Variants in PLSCR5 observed in about 807,000 individuals in gnomAD.
The protein encoded by PLSCR5 is phospholipid scramblase family member 5.
A neutral mutation model predicts 33.6 loss-of-function variants in PLSCR5; 44 were observed. That is an observed-to-expected ratio of 1.31 (90% CI 1.03 to 1.69). The LOEUF is 1.69. Ranked by LOEUF, PLSCR5 falls within the 40% of genes most tolerant of loss-of-function variation. The pLI is 0.00. For missense variants in PLSCR5, 375 were observed against 318.7 expected, an observed-to-expected ratio of 1.18 and a Z score of -1.34; for synonymous variants, 148 against 112.3, an observed-to-expected ratio of 1.32 and a Z score of -2.01.
At position 146,586,117 on chromosome 3, in the gene PLSCR5, A is replaced by G; in HGVS notation, c.778-5T>C. The G allele has an allele frequency of 6.8e-7, 1 of 1,477,374 alleles. No individual in the cohort carries two copies. The highest frequency in any genetic ancestry group is 9.0e-7 in the Non-Finnish European group (1 of 1,112,298). 91.5% of individuals were successfully genotyped at this position (1,477,374 alleles called of 1,614,324 possible). A position where few individuals can be genotyped will look rare whatever the true frequency, so the allele number is the denominator to read the frequency against. On this transcript the variant is annotated splice_region_variant and splice_polypyrimidine_tract_variant and intron_variant, in intron 6 of 7. Coordinates refer to ENST00000443512, the MANE Select transcript of PLSCR5 (RefSeq NM_001085420.2). Reference sequence around the variant, plus strand: ...ATGTTCAAAGAACATAAAATCCTACAAATAAGTAAACTGAATATAAGTGAA... The same window carrying G: ...ATGTTCAAAGAACATAAAATCCTACGAATAAGTAAACTGAATATAAGTGAA...
At chr3:146,598,690 T>C (rs2044783953) in intron 2 of PLSCR5, among the ~76,000 whole-genome samples, 1 of 152,190 alleles carries the variant, frequency 6.6e-6, no homozygotes, top group East Asian at 1.9e-4. Flanking sequence ...GTATATCACT[T>C]TTATACTTGG....
chr3:146,578,249 G>A (rs62272759), intron 7 of PLSCR5, among the ~76,000 whole-genome samples: 2 of 151,714 alleles, frequency 1.3e-5, no homozygotes, highest in East Asian at 3.9e-4. Flanking sequence ...TTTCTCAAAG[G>A]TATTTTTTCA....
intron 4 of PLSCR5, among the ~76,000 whole-genome samples, 160 bp from the exon 5 acceptor site, chr3:146,592,041 A>C (rs1191935888): frequency 6.6e-6 from 1 of 152,128 alleles, no homozygotes; most frequent in Non-Finnish European, 1.5e-5. Context: ...AGATTTTATA[A>C]AATATTTTAC....
rs748249765 is a variant in PLSCR5 at position 146,593,992 on chromosome 3, T to A, written c.381A>T (p.Ser127=). ...TGTTCACTGTAATGACCTCTCGACC[T>A]GAGTTATCTGTGATCCTCAGGGTGC... ...RSCTLRITDN[S]GREVITVNRP... Residue 127 remains serine (S), a synonymous_variant, in exon 4 of 8, where the codon TCA becomes TCT. Transcript: ENST00000443512. 1.2e-6 allele frequency: 2 copies of A among 1,613,726 alleles called. No individual in the cohort carries two copies. The highest frequency in any genetic ancestry group is 1.7e-6 in the Non-Finnish European group (2 of 1,179,814).
intron 2 of PLSCR5, among the ~76,000 whole-genome samples, chr3:146,595,852 T>C (rs1433987256): frequency 6.6e-6 from 1 of 152,166 alleles, no homozygotes; most frequent in African/African-American, 2.4e-5. Context: ...TATCACTCTG[T>C]CAAACTGCAA....
At chr3:146,582,994 C>T (rs115314760), downstream of PLSCR5, among the ~76,000 whole-genome samples, 770 of 152,130 alleles carry the variant, frequency 5.1e-3, 3 homozygotes, top group African/African-American at 0.018. Flanking sequence ...TTCCACACCC[C>T]TACGTTTGTA....
intron 6 of PLSCR5, among the ~76,000 whole-genome samples, chr3:146,588,920 T>G (rs1297241454): frequency 1.3e-5 from 2 of 152,066 alleles, no homozygotes; most frequent in East Asian, 1.9e-4. Context: ...TTTCATGTAT[T>G]TATAGAAAAT....
intron 2 of PLSCR5, 48 bp downstream of exon 2, chr3:146,600,240 T>G: frequency 8.0e-7 from 1 of 1,247,860 alleles, no homozygotes; most frequent in Non-Finnish European, 1.0e-6. Context: ...AAGTTTGTAT[T>G]AATTTTAAGG....
rs551827363 is a variant in PLSCR5, at chr3:146,599,646, T to A, written c.189+642A>T. On this transcript the variant is annotated intron_variant, in intron 2 of 7. Coordinates refer to ENST00000443512, the MANE Select transcript of PLSCR5 (RefSeq NM_001085420.2). ...TATTCTTTAAATAAATAGCTGTAGA[T>A]GACTAGATATGTTAGAAAATTTCTT... Among the ~76,000 whole-genome samples the A allele has an allele frequency of 7.9e-5, 12 of 151,180 alleles. No individual in the cohort carries two copies. In the South Asian group the frequency reaches 2.5e-3, roughly 32 times the overall value.
chr3:146,592,025 G>A, intron 4 of PLSCR5, 144 bp from the exon 5 acceptor site: 3 of 769,542 alleles, frequency 3.9e-6, no homozygotes, highest in East Asian at 2.9e-5. Flanking sequence ...CTGCTTCTAA[G>A]GATACAGATT....
At chr3:146,602,589 C>T (rs1387694080) in intron 1 of PLSCR5, among the ~76,000 whole-genome samples, 12 of 151,830 alleles carry the variant, frequency 7.9e-5, no homozygotes, top group Admixed American at 7.9e-4. Context: ...GTTTTGTGCT[C>T]TATGTACTTC....
At chr3:146,595,778 C>T (rs1415024962) in intron 2 of PLSCR5, among the ~76,000 whole-genome samples, 1 of 152,130 alleles carries the variant, frequency 6.6e-6, no homozygotes, top group African/African-American at 2.4e-5. Context: ...TTTTAGAAGA[C>T]ATGAAACAAC....
intron 2 of PLSCR5, 62 bp downstream of exon 2, chr3:146,600,226 A>G: frequency 8.3e-7 from 1 of 1,207,154 alleles, no homozygotes; most frequent in East Asian, 3.1e-5. Context: ...AAAAGCCAGA[A>G]AGAAAGTTTG....
In PLSCR5 at chr3:146,589,694, C is replaced by T. The variant is rs375255541; in HGVS notation, c.736G>A (p.Val246Ile). Reference protein sequence around the residue: ...FGIHVPADLDVTVKAAMIGAC... With the variant: ...FGIHVPADLDITVKAAMIGAC... ...CCGATCATTGCTGCTTTGACTGTTA[C>T]ATCTAGATCTGCAGGAACATGAATT... Residue 246 changes from valine (V) to isoleucine (I), a missense_variant, in exon 6 of 8, where the codon GTA becomes ATA. Physicochemically the swap from Val to Ile is conservative, Grantham distance 29. Coordinates refer to ENST00000443512, the MANE Select transcript of PLSCR5 (RefSeq NM_001085420.2). 8.1e-6 allele frequency: 13 copies of T among 1,605,684 alleles called. No individual in the cohort carries two copies. The African/African-American group carries it at 1.5e-4, about 18-fold the overall frequency.
chr3:146,604,080 A>G (rs2044843159), intron 1 of PLSCR5, among the ~76,000 whole-genome samples: 1 of 152,082 alleles, frequency 6.6e-6, no homozygotes, highest in Non-Finnish European at 1.5e-5. Context: ...GTTTGAATGG[A>G]TCACTAATTT....
chr3:146,596,299 G>A (rs1463706568), intron 2 of PLSCR5, among the ~76,000 whole-genome samples: 3 of 151,972 alleles, frequency 2.0e-5, no homozygotes, highest in Non-Finnish European at 2.9e-5. Context: ...AGCAATTCTC[G>A]TGCCTCAGCC....
intron 1 of PLSCR5, among the ~76,000 whole-genome samples, chr3:146,602,274 G>C (rs1201848795): frequency 6.6e-6 from 1 of 152,114 alleles, no homozygotes; most frequent in Non-Finnish European, 1.5e-5. Flanking sequence ...TCAGATTTGG[G>C]AGAAGAGCTA....
chr3:146,598,782 C>T (rs767259095), intron 2 of PLSCR5, among the ~76,000 whole-genome samples: 4 of 152,188 alleles, frequency 2.6e-5, no homozygotes, highest in Admixed American at 2.0e-4. Context: ...ATCCTTTCTG[C>T]AGATGGAAGA....
rs1218152467 is a variant in PLSCR5, at chr3:146,591,860, C to G, written c.475G>C (p.Gly159Arg). 2 of 1,606,652 alleles carry G rather than the reference C, an allele frequency of 1.2e-6. No individual in the cohort carries two copies. The highest frequency in any genetic ancestry group is 4.5e-5 in the East Asian group (2 of 44,756). The change falls in exon 5 of 8, where the codon GGT becomes CGT. Residue 159 changes from glycine to arginine, a missense_variant. Gly to Arg is a moderately radical substitution (Grantham distance 125). Transcript: ENST00000443512. ...LQELEIQAPP[G>R]TIVGYVTQKW... ...TGCGTAACGTAACCAACTATAGTACCAGGAGGGGCTTGGATTTCTAACTGT... is the reference window on the plus strand; with the variant it reads ...TGCGTAACGTAACCAACTATAGTACGAGGAGGGGCTTGGATTTCTAACTGT...
Sources: gnomAD v4.1 joint callset for allele counts (sites outside exome capture counted in the v4.1 genomes callset) on GRCh38, gnomAD v4.1.1 for gene constraint, MANE v1.5 for transcripts, NCBI Gene and HGNC (gene_info 2026-07-23, HGNC 2026-07-21) for gene names.